The following MMADHC variants were observed in gnomAD, a reference collection of about 807,000 sequenced individuals.
The protein encoded by MMADHC is cobalamin trafficking protein CblD.
A neutral mutation model predicts 36.3 loss-of-function variants in MMADHC; 23 were observed. The observed-to-expected ratio is 0.63, with a 90% CI of 0.46 to 0.90. The LOEUF (loss-of-function observed/expected upper bound fraction) is 0.90, where lower values mean the gene tolerates loss of function less well. Among genes scored for constraint, MMADHC ranks in the 40% least tolerant of loss-of-function variants. MMADHC has a pLI of 0.00. For synonymous variants in MMADHC, 97 were observed against 116.1 expected, an observed-to-expected ratio of 0.84 and a Z score of 1.06; for missense variants, 330 against 348.0, an observed-to-expected ratio of 0.95 and a Z score of 0.41.
Position 149,582,185 on chromosome 2 carries a change from C to A in MMADHC, c.96G>T (p.Ser32=), listed in dbSNP as rs1366609158. The A allele has an allele frequency of 6.2e-7, 1 of 1,613,926 alleles. No homozygotes were observed. The highest frequency in any genetic ancestry group is 8.5e-7 in the Non-Finnish European group (1 of 1,179,888). ...CATCCGAACCTGATGATCCTGCAGT[C>A]GAAAAGGCTTTGGGATTGACAACCC... ...VKRVVNPKAF[S]TAGSSGSDES... Residue 32 remains serine (S), a synonymous_variant, in exon 3 of 8, where the codon TCG becomes TCT. Transcript: ENST00000303319.
chr2:149,572,223 T>C (rs755772181), intron 6 of MMADHC: 6 of 425,906 alleles, frequency 1.4e-5, no homozygotes, highest in East Asian at 8.5e-5. Context: ...CAAGGGCACA[T>C]AGCTACTCGG....
At chr2:149,584,196 A>C (rs894461364) in intron 2 of MMADHC, among the ~76,000 whole-genome samples, 2 of 152,208 alleles carry the variant, frequency 1.3e-5, no homozygotes, top group Non-Finnish European at 2.9e-5. Context: ...GATCTAAAGG[A>C]ATCTAAAATT....
chr2:149,580,795 T>TA (rs1175411112), intron 3 of MMADHC, among the ~76,000 whole-genome samples: 2 of 152,184 alleles, frequency 1.3e-5, no homozygotes, highest in African/African-American at 2.4e-5. Flanking sequence ...ATTCTCAACA[T>TA]AAACACTCTA....
At chr2:149,587,023 G>A (rs374231960) in intron 2 of MMADHC, 66 bp downstream of exon 2, 242 of 1,514,712 alleles carry the variant, frequency 1.6e-4, no homozygotes, top group Non-Finnish European at 2.1e-4. Flanking sequence ...AATTAAACCC[G>A]TTCTTTCATT....
intron 2 of MMADHC, 70 bp from the exon 3 acceptor site, chr2:149,582,341 GC>G: frequency 6.6e-7 from 1 of 1,521,836 alleles, no homozygotes; most frequent in Admixed American, 1.8e-5. Flanking sequence ...ACAATCTCTG[GC>G]AAATCTTCAC....
In MMADHC at chr2:149,579,437, TTCATTCACA is replaced by T; in HGVS notation, c.357_365del (p.Tyr119_Glu122delinsTer). ...AATGTTACCAACAATTTACCTGAAATTCATTCACATATTGTGCCATCACAAACTCATGTC... is the reference window on the plus strand; with the variant it reads ...AATGTTACCAACAATTTACCTGAAATTATTGTGCCATCACAAACTCATGTC... On this transcript the variant is annotated stop_gained and inframe_deletion, in exon 4 of 8. Transcript: ENST00000303319. LOFTEE classifies it high-confidence loss of function. 1 of 1,610,594 alleles carries T rather than the reference TTCATTCACA, an allele frequency of 6.2e-7. No homozygotes were observed. The highest frequency in any genetic ancestry group is 8.5e-7 in the Non-Finnish European group (1 of 1,178,570).
chr2:149,573,822 T>C (rs1682677913), intron 6 of MMADHC, among the ~76,000 whole-genome samples: 1 of 151,874 alleles, frequency 6.6e-6, no homozygotes, highest in South Asian at 2.1e-4. Context: ...AGCAAAACAA[T>C]GAAATGCGAT....
chr2:149,584,602 T>C (rs540586656), intron 2 of MMADHC, among the ~76,000 whole-genome samples: 9 of 152,330 alleles, frequency 5.9e-5, no homozygotes, highest in African/African-American at 2.2e-4. Context: ...AAAAGTTATA[T>C]AATAAAATAT....
At chr2:149,571,314 T>C (rs1244146024) in intron 6 of MMADHC, 143 bp from the exon 7 acceptor site, 2 of 539,672 alleles carry the variant, frequency 3.7e-6, no homozygotes, top group African/African-American at 1.9e-5. Context: ...CAAATTAGAC[T>C]GTAAAGGCGT....
chr2:149,580,200 TCTC>T (rs1682775515), intron 3 of MMADHC, among the ~76,000 whole-genome samples: 2 of 152,090 alleles, frequency 1.3e-5, no homozygotes, highest in South Asian at 4.2e-4. Flanking sequence ...AGACACAAGG[TCTC>T]CTCCTCCCTC....
chr2:149,585,559 G>T (rs1271072052), intron 2 of MMADHC, among the ~76,000 whole-genome samples: 1 of 152,192 alleles, frequency 6.6e-6, no homozygotes, highest in African/African-American at 2.4e-5. Context: ...TGAAAACTCA[G>T]AAGATCTGGC....
chr2:149,569,946 T>G lies in MMADHC; in HGVS notation c.*28A>C. 6.3e-7 allele frequency: 1 copy of G among 1,596,052 alleles called. No individual in the cohort carries two copies. Among genetic ancestry groups the G allele is most frequent in the Non-Finnish European group, 8.6e-7 (1 of 1,164,050 alleles). ...GATCAACCCAAATATTACATACAAATAGTACAGCAAATGAATGGATATTTC... is the reference window on the plus strand; with the variant it reads ...GATCAACCCAAATATTACATACAAAGAGTACAGCAAATGAATGGATATTTC... On this transcript the variant is annotated 3_prime_UTR_variant, in exon 8 of 8. Coordinates refer to ENST00000303319, the MANE Select transcript of MMADHC (RefSeq NM_015702.3).
intron 2 of MMADHC, chr2:149,586,783 C>A: frequency 5.5e-6 from 2 of 365,394 alleles, no homozygotes; most frequent in Admixed American, 4.4e-5. Context: ...AACCCAAAAG[C>A]TAAAAAAGGG....
intron 2 of MMADHC, 112 bp from the exon 3 acceptor site, chr2:149,582,383 T>C: frequency 1.9e-6 from 2 of 1,038,864 alleles, no homozygotes; most frequent in South Asian, 2.7e-5. Flanking sequence ...CCAACATTTA[T>C]TCTACTTTTA....
chr2:149,575,917 G>A, intron 5 of MMADHC, 76 bp from the exon 6 acceptor site: 2 of 1,156,104 alleles, frequency 1.7e-6, no homozygotes, highest in Non-Finnish European at 2.5e-6. Context: ...AAGGATAAAA[G>A]TACTTCTTTA....
At chr2:149,583,924 A>C (rs1655503735) in intron 2 of MMADHC, among the ~76,000 whole-genome samples, 1 of 152,116 alleles carries the variant, frequency 6.6e-6, no homozygotes, top group South Asian at 2.1e-4. Flanking sequence ...CTGTTTCCTT[A>C]TCGTTCTAGA....
Position 149,569,852 on chromosome 2 carries a change from T to G in MMADHC, c.*122A>C. The G allele has an allele frequency of 1.1e-6, 1 of 931,246 alleles. No homozygotes were observed. The allele number at this position is 931,246 out of a possible 1,614,324, so 57.7% of individuals were successfully genotyped here. On this transcript the variant is annotated 3_prime_UTR_variant, in exon 8 of 8. Coordinates refer to ENST00000303319, the MANE Select transcript of MMADHC (RefSeq NM_015702.3). ...CCAAATCACTTGCCAATGTTGTAAA[T>G]TCATAAATGCTGAAATAAATACTTA... is the stretch of plus-strand genomic sequence containing the variant.
At chr2:149,582,295 C>T (rs1448792502) in intron 2 of MMADHC, 24 bp from the exon 3 acceptor site, 45 of 1,610,644 alleles carry the variant, frequency 2.8e-5, no homozygotes, top group Middle Eastern at 3.3e-4. Flanking sequence ...AAAATTAAAA[C>T]TATTTGTTCT....
chr2:149,582,980 A>C (rs1176883997), intron 2 of MMADHC, among the ~76,000 whole-genome samples: 1 of 152,178 alleles, frequency 6.6e-6, no homozygotes, highest in Non-Finnish European at 1.5e-5. Flanking sequence ...TGTTTTGGTA[A>C]ATAAAGTTTT....
Sources: allele counts gnomAD v4.1 joint callset (sites outside exome capture counted in the v4.1 genomes callset), GRCh38; gene constraint gnomAD v4.1.1; transcripts MANE v1.5; gene names NCBI Gene and HGNC (gene_info 2026-07-23, HGNC 2026-07-21).